Variants in ABCA1 observed in about 807,000 individuals in gnomAD.
ABCA1 encodes ATP binding cassette subfamily A member 1.
Under a neutral mutation model 262.5 loss-of-function variants are expected in ABCA1, and 133 were observed. The ratio of observed to expected loss-of-function variants is 0.51; its 90% CI spans 0.44 to 0.59. ABCA1 has a LOEUF of 0.59. Ranked by LOEUF, ABCA1 falls within the 20% of genes least tolerant of loss-of-function variation. The probability of loss-of-function intolerance (pLI) is 0.00; values close to 1 mark genes in which losing one functional copy is unlikely to be tolerated. For missense variants in ABCA1, 2,452 were observed against 2,777.5 expected (o/e 0.88, Z 2.63); for synonymous variants, 1,022 against 1,043.5 (o/e 0.98, Z 0.40).
Position 104,831,046 on chromosome 9 carries a change from C to G in ABCA1, c.1771G>C (p.Gly591Arg). The G allele has an allele frequency of 3.7e-6, 6 of 1,613,750 alleles. No homozygotes were observed. The highest frequency in any genetic ancestry group is 5.1e-6 in the Non-Finnish European group (6 of 1,179,958). Reference sequence around the variant, plus strand: ...ACATCCTGCAAGTAGGCGAAGCCCCCCCAGACGTACCGCATGTCCTCAAAG... The same window carrying G: ...ACATCCTGCAAGTAGGCGAAGCCCCGCCAGACGTACCGCATGTCCTCAAAG... ...DPFEDMRYVW[G>R]GFAYLQDVVE... The change falls in exon 14 of 50, where the codon GGG (glycine) becomes CGG (arginine). Residue 591 changes from glycine (G) to arginine (R), a missense_variant. Coordinates refer to ENST00000374736, the MANE Select transcript of ABCA1 (RefSeq NM_005502.4).
intron 15 of ABCA1, 137 bp from the exon 16 acceptor site, chr9:104,827,306 T>C: frequency 1.3e-6 from 1 of 771,432 alleles, no homozygotes; most frequent in Non-Finnish European, 2.2e-6. Context: ...TTCATCTTTC[T>C]GATGAGGCAA....
intron 25 of ABCA1, among the ~76,000 whole-genome samples, chr9:104,815,513 A>G (rs536500616): frequency 4.6e-5 from 7 of 152,052 alleles, no homozygotes; most frequent in Non-Finnish European, 1.0e-4. Flanking sequence ...GAAGCCCCAA[A>G]CCCCTGATTC....
At position 104,784,209 on chromosome 9, in the gene ABCA1, T is replaced by C; in HGVS notation, c.*106A>G. On this transcript the variant is annotated 3_prime_UTR_variant, in exon 50 of 50. Transcript: ENST00000374736. ...AGTATCAGTACAGTATCCAGTTTAC[T>C]TCTTCCCACATCAACTTCTGGCTCT... 2 of 1,447,970 alleles carry C rather than the reference T, an allele frequency of 1.4e-6. No homozygotes were observed. Among genetic ancestry groups the C allele is most frequent in the Non-Finnish European group, 1.9e-6 (2 of 1,036,724 alleles). 89.7% of individuals were successfully genotyped at this position (1,447,970 alleles called of 1,614,324 possible). A position where few individuals can be genotyped will look rare whatever the true frequency, so the allele number is the denominator to read the frequency against.
intron 10 of ABCA1, 25 bp downstream of exon 10, chr9:104,837,403 G>A: frequency 6.2e-7 from 1 of 1,613,818 alleles, no homozygotes; most frequent in South Asian, 1.1e-5. Context: ...TCTGGGGAGG[G>A]AGTCTTGGGC....
At chr9:104,849,631 A>G (rs1212816890) in intron 7 of ABCA1, among the ~76,000 whole-genome samples, 1 of 152,244 alleles carries the variant, frequency 6.6e-6, no homozygotes, top group African/African-American at 2.4e-5. Flanking sequence ...CAGGGTTAAC[A>G]AAACACACAT....
chr9:104,789,939 CA>C (rs1829270831), intron 44 of ABCA1, among the ~76,000 whole-genome samples: 1 of 151,952 alleles, frequency 6.6e-6, no homozygotes, highest in South Asian at 2.1e-4. Context: ...ACTGAAAATA[CA>C]AAAAAATTAG....
At chr9:104,908,951 T>C (rs1044304197) in intron 1 of ABCA1, among the ~76,000 whole-genome samples, 1 of 152,160 alleles carries the variant, frequency 6.6e-6, no homozygotes, top group Non-Finnish European at 1.5e-5. Context: ...TTGTCAAAAC[T>C]CATCATACTT....
intron 1 of ABCA1, among the ~76,000 whole-genome samples, chr9:104,919,855 C>T (rs906681543): frequency 6.6e-6 from 1 of 152,172 alleles, no homozygotes; most frequent in Non-Finnish European, 1.5e-5. Context: ...GAAATTTCAA[C>T]AGCTTCCTCT....
intron 13 of ABCA1, 22 bp downstream of exon 13, chr9:104,831,600 G>A: frequency 6.3e-7 from 1 of 1,598,172 alleles, no homozygotes; most frequent in Non-Finnish European, 8.6e-7. Flanking sequence ...AGACCAGGCT[G>A]GTGTGATGGG....
Position 104,829,133 on chromosome 9 carries a change from A to G in ABCA1, c.1898T>C (p.Leu633Pro). The change falls in exon 15 of 50, where the codon CTG becomes CCG. Residue 633 changes from leucine to proline, a missense_variant. By Grantham distance (98) the Leu-to-Pro change is moderately conservative (BLOSUM62 -3). This residue lies in a region of ABCA1 where 1,032 missense variants were observed against 1,089.7 expected (regional missense o/e 0.95). Coordinates refer to ENST00000374736, the MANE Select transcript of ABCA1 (RefSeq NM_005502.4). ...PYPCYVDDIFLRVMSRSMPLF... is the reference protein window; with the variant it reads ...PYPCYVDDIFPRVMSRSMPLF... ...GGGCATTGACCGGCTCATCACCCGC[A>G]GAAAGCTGGAGGCCCCAAGGAAGGA... The G allele has an allele frequency of 6.2e-7, 1 of 1,614,174 alleles. No individual in the cohort carries two copies. Among genetic ancestry groups the G allele is most frequent in the Non-Finnish European group, 8.5e-7 (1 of 1,180,030 alleles).
intron 42 of ABCA1, 98 bp from the exon 43 acceptor site, chr9:104,792,096 C>T (rs1275191360): frequency 9.3e-7 from 1 of 1,080,302 alleles, no homozygotes; most frequent in Non-Finnish European, 1.4e-6. Flanking sequence ...TACACTGCAA[C>T]ATAAGACTTG....
intron 5 of ABCA1, among the ~76,000 whole-genome samples, chr9:104,865,164 T>C (rs939824818): frequency 3.9e-5 from 6 of 152,100 alleles, no homozygotes; most frequent in African/African-American, 1.4e-4. Context: ...TTCTCAAACA[T>C]GACTGCCCGT....
At chr9:104,855,437 G>A (rs1835755763) in intron 7 of ABCA1, 1 of 301,300 alleles carries the variant, frequency 3.3e-6, no homozygotes, top group South Asian at 6.9e-5. Flanking sequence ...CTGGCCTCAA[G>A]TGATTCATCC....
At chr9:104,831,232 T>C in intron 13 of ABCA1, 131 bp from the exon 14 acceptor site, 2 of 995,890 alleles carry the variant, frequency 2.0e-6, no homozygotes, top group South Asian at 1.6e-5. Context: ...TTTTTTTTTT[T>C]TTGAGATGGA....
intron 5 of ABCA1, among the ~76,000 whole-genome samples, chr9:104,869,008 T>G: frequency 4.2e-5 from 6 of 143,788 alleles, no homozygotes; most frequent in Admixed American, 7.0e-5. Flanking sequence ...AAGAGAGGGG[T>G]GAAGGAGCTT....
rs557492263 is a variant in ABCA1, at chr9:104,783,993, CAA to C, written c.*320_*321del. 3,557 of 133,064 alleles carry C rather than the reference CAA, an allele frequency of 0.027. No homozygotes were observed. Among genetic ancestry groups the C allele is most frequent in the South Asian group, 0.047 (421 of 8,882 alleles). 8.2% of individuals were successfully genotyped at this position (133,064 alleles called of 1,614,324 possible). ...CAACCCCAATGAGAATACACAGGAACAAAAAAAAAAAAAAAAGTGTGAGTTCA... is the reference window on the plus strand; with the variant it reads ...CAACCCCAATGAGAATACACAGGAACAAAAAAAAAAAAAAGTGTGAGTTCA... On this transcript the variant is annotated 3_prime_UTR_variant, in exon 50 of 50. Coordinates refer to ENST00000374736, the MANE Select transcript of ABCA1 (RefSeq NM_005502.4).
At chr9:104,807,827 A>T (rs1311230131) in intron 30 of ABCA1, among the ~76,000 whole-genome samples, 1 of 122,796 alleles carries the variant, frequency 8.1e-6, no homozygotes, top group Non-Finnish European at 1.7e-5. Context: ...AAAAATAAAT[A>T]AATAAAATAT....
intron 2 of ABCA1, among the ~76,000 whole-genome samples, chr9:104,894,811 C>G (rs1007690175): frequency 6.6e-6 from 1 of 152,232 alleles, no homozygotes; most frequent in South Asian, 2.1e-4. Context: ...AAAGTTCACA[C>G]CACCTGAGCC....
chr9:104,786,858 G>A lies in ABCA1; in HGVS notation c.6308+15C>T. 6.2e-7 allele frequency: 1 copy of A among 1,605,470 alleles called. No homozygotes were observed. On this transcript the variant is annotated intron_variant, in intron 47 of 49. Coordinates refer to ENST00000374736, the MANE Select transcript of ABCA1 (RefSeq NM_005502.4). ...AAACATCCCACAGTGAGGAACCCAA[G>A]ACTTTACTACGGACCTATGAGATGT...
Sources: gnomAD v4.1 joint callset for allele counts (sites outside exome capture counted in the v4.1 genomes callset) on GRCh38, gnomAD v4.1.1 for gene constraint, gnomAD v4.1.1 regional missense constraint, MANE v1.5 for transcripts, NCBI Gene and HGNC (gene_info 2026-07-23, HGNC 2026-07-21) for gene names.